WDPCP: variants seen among roughly 807,000 people sequenced by gnomAD.
The protein encoded by WDPCP is WD repeat containing planar cell polarity effector, also known as WD repeat-containing and planar cell polarity effector protein fritz homolog.
A neutral mutation model predicts 93.1 loss-of-function variants in WDPCP; 71 were observed. The observed-to-expected ratio is 0.76, with a 90% CI of 0.63 to 0.93. The LOEUF (loss-of-function observed/expected upper bound fraction) is 0.93, where lower values mean the gene tolerates loss of function less well. Ranked by LOEUF, WDPCP falls within the 40% of genes least tolerant of loss-of-function variation. The pLI, the probability that WDPCP is intolerant of heterozygous loss-of-function variation, is 0.00. For missense variants in WDPCP, 844 were observed against 887.4 expected (o/e 0.95, Z 0.62); for synonymous variants, 315 against 315.0 (o/e 1.00, Z 0.00).
chr2:63,148,697 A>T (rs1671692734), intron 17 of WDPCP, among the ~76,000 whole-genome samples: 1 of 152,178 alleles, frequency 6.6e-6, no homozygotes, highest in Non-Finnish European at 1.5e-5. Flanking sequence ...AAAAGTCTAA[A>T]AGCCAAGATT....
chr2:63,330,390 A>G (rs1259398969), intron 12 of WDPCP, among the ~76,000 whole-genome samples: 3 of 152,160 alleles, frequency 2.0e-5, no homozygotes, highest in Non-Finnish European at 4.4e-5. Flanking sequence ...CTTTGGAAAG[A>G]TGTTTATTCA....
chr2:63,640,322 T>C (rs545801224), intron 3 of WDPCP, among the ~76,000 whole-genome samples: 1 of 152,292 alleles, frequency 6.6e-6, no homozygotes, highest in African/African-American at 2.4e-5. Flanking sequence ...GTAATGTTAA[T>C]ATACAAACCT....
At chr2:63,368,311 T>C (rs1691090343) in intron 12 of WDPCP, among the ~76,000 whole-genome samples, 1 of 84,706 alleles carries the variant, frequency 1.2e-5, no homozygotes, top group Admixed American at 1.4e-4. Context: ...TATTTATTTA[T>C]TTATTTATTT....
At chr2:63,452,275 A>T (rs900520877) in intron 6 of WDPCP, among the ~76,000 whole-genome samples, 3 of 152,220 alleles carry the variant, frequency 2.0e-5, no homozygotes, top group Non-Finnish European at 4.4e-5. Flanking sequence ...TGCAAAAATC[A>T]CAAGCATTCT....
chr2:63,608,923 A>G (rs1343781103), intron 3 of WDPCP, among the ~76,000 whole-genome samples: 1 of 152,220 alleles, frequency 6.6e-6, no homozygotes, highest in African/African-American at 2.4e-5. Flanking sequence ...ACAAAATTTC[A>G]TATAGAATGA....
chr2:63,588,476 T>C lies in WDPCP; in HGVS notation c.-205A>G, dbSNP rs1245197431. 3 of 659,712 alleles carry C rather than the reference T, an allele frequency of 4.5e-6. No homozygotes were observed. Among genetic ancestry groups the C allele is most frequent in the African/African-American group, 1.8e-5 (1 of 55,488 alleles). 40.9% of individuals were successfully genotyped at this position (659,712 alleles called of 1,614,324 possible). On this transcript the variant is annotated 5_prime_UTR_variant, in exon 1 of 18. Transcript: ENST00000272321. ...GAAGCTGTCCGGTCGTCCCAACTTA[T>C]CAATTCCCCCGCCCCTCCAGAGTGT...
chr2:63,210,007 A>T (rs947243991), intron 14 of WDPCP, among the ~76,000 whole-genome samples: 1 of 152,150 alleles, frequency 6.6e-6, no homozygotes, highest in Non-Finnish European at 1.5e-5. Context: ...CATTATACAG[A>T]TCTCTTATTT....
intron 1 of WDPCP, among the ~76,000 whole-genome samples, chr2:63,819,452 CA>C (rs1575781808): frequency 1.3e-5 from 2 of 152,246 alleles, no homozygotes; most frequent in East Asian, 3.9e-4. Flanking sequence ...CATAAACCAG[CA>C]GGTGGAGGAT....
At chr2:63,361,837 C>T (rs2104667025) in intron 12 of WDPCP, among the ~76,000 whole-genome samples, 1 of 152,224 alleles carries the variant, frequency 6.6e-6, no homozygotes, top group South Asian at 2.1e-4. Context: ...GGTGAGGCAT[C>T]CAAGCTCCAA....
At chr2:63,678,158 C>T (rs1035405270) in intron 2 of WDPCP, among the ~76,000 whole-genome samples, 1 of 152,174 alleles carries the variant, frequency 6.6e-6, no homozygotes, top group Non-Finnish European at 1.5e-5. Context: ...TAATCAAGGA[C>T]TCAGCCTTTT....
At chr2:63,338,388 T>TTAA (rs1214615497) in intron 12 of WDPCP, among the ~76,000 whole-genome samples, 1 of 150,782 alleles carries the variant, frequency 6.6e-6, no homozygotes, top group African/African-American at 2.4e-5. Context: ...CCCGTCTCTA[T>TTAA]TAAAGATACA....
At chr2:63,332,305 ACTG>A (rs1301090847) in intron 12 of WDPCP, among the ~76,000 whole-genome samples, 1 of 152,006 alleles carries the variant, frequency 6.6e-6, no homozygotes. Flanking sequence ...CTTAAAAGGA[ACTG>A]CTGAACAATG....
chr2:63,766,662 A>G (rs547325930), intron 2 of WDPCP, among the ~76,000 whole-genome samples: 66 of 152,240 alleles, frequency 4.3e-4, no homozygotes, highest in African/African-American at 1.5e-3. Flanking sequence ...ATTTTAACAC[A>G]TTAATACACC....
At chr2:63,201,844 T>C (rs1418392619) in intron 14 of WDPCP, among the ~76,000 whole-genome samples, 3 of 152,186 alleles carry the variant, frequency 2.0e-5, no homozygotes, top group Non-Finnish European at 4.4e-5. Context: ...CTTAAAATTT[T>C]CTGTTTGGTA....
At chr2:63,341,304 T>G (rs1320960071) in intron 12 of WDPCP, among the ~76,000 whole-genome samples, 1 of 152,160 alleles carries the variant, frequency 6.6e-6, no homozygotes, top group Non-Finnish European at 1.5e-5. Context: ...AATTTTTGTA[T>G]TTTTAGTAGA....
At chr2:63,554,971 G>A (rs969863245) in intron 1 of WDPCP, among the ~76,000 whole-genome samples, 2 of 152,208 alleles carry the variant, frequency 1.3e-5, no homozygotes, top group Non-Finnish European at 2.9e-5. Context: ...CCACAGATCT[G>A]AGCAGTCCAC....
At chr2:63,342,413 A>G (rs1359397492) in intron 12 of WDPCP, among the ~76,000 whole-genome samples, 2 of 152,172 alleles carry the variant, frequency 1.3e-5, no homozygotes, top group African/African-American at 4.8e-5. Context: ...ACCATTCGCT[A>G]TGTCTTCCAT....
At chr2:63,529,562 A>C (rs914442891) in intron 1 of WDPCP, among the ~76,000 whole-genome samples, 5 of 152,194 alleles carry the variant, frequency 3.3e-5, no homozygotes, top group African/African-American at 9.7e-5. Context: ...CCAGGGATGA[A>C]ACCGACTTCA....
At chr2:63,698,510 C>T (rs767036746) in intron 2 of WDPCP, among the ~76,000 whole-genome samples, 12 of 152,124 alleles carry the variant, frequency 7.9e-5, no homozygotes, top group Non-Finnish European at 1.6e-4. Context: ...GGACCTGGAG[C>T]CTCTAGAATC....
Sources: gnomAD v4.1 joint callset for allele counts (sites outside exome capture counted in the v4.1 genomes callset) on GRCh38, gnomAD v4.1.1 for gene constraint, MANE v1.5 for transcripts, NCBI Gene and HGNC (gene_info 2026-07-23, HGNC 2026-07-21) for gene names.